The following MAPK14 variants were observed in gnomAD, a reference collection of about 807,000 sequenced individuals.
MAPK14 encodes the protein CSAID-binding protein.
A neutral mutation model predicts 49.6 loss-of-function variants in MAPK14; 16 were observed. That is an observed-to-expected ratio of 0.32 (90% CI 0.22 to 0.49). The LOEUF (loss-of-function observed/expected upper bound fraction) is 0.49, where lower values mean the gene tolerates loss of function less well. MAPK14 is among the 20% of genes least tolerant of loss of function. The pLI is 0.99. For synonymous variants in MAPK14, 142 were observed against 158.0 expected (o/e 0.90, Z 0.76); for missense variants, 200 against 441.2 (o/e 0.45, Z 4.90).
chr6:36,075,772 T>G, intron 6 of MAPK14, 76 bp from the exon 7 acceptor site: 1 of 1,598,794 alleles, frequency 6.3e-7, no homozygotes, highest in Non-Finnish European at 8.5e-7. Flanking sequence ...GGTTTGTTTG[T>G]TGTTGTTGTT....
intron 8 of MAPK14, among the ~76,000 whole-genome samples, chr6:36,077,378 A>AT (rs1190689342): frequency 5.3e-5 from 8 of 151,334 alleles, no homozygotes; most frequent in Admixed American, 1.3e-4. Context: ...AGTTTTGGGG[A>AT]TTTTTTCTTT....
chr6:36,091,032 A>G (rs1765205700), intron 8 of MAPK14, among the ~76,000 whole-genome samples: 1 of 152,190 alleles, frequency 6.6e-6, no homozygotes, highest in Non-Finnish European at 1.5e-5. Flanking sequence ...AAGATTTCCT[A>G]CCTTCCCAAA....
chr6:36,076,329 G>A (rs1764531407), intron 7 of MAPK14, among the ~76,000 whole-genome samples: 1 of 152,154 alleles, frequency 6.6e-6, no homozygotes, highest in Non-Finnish European at 1.5e-5. Context: ...TCTTAAGTGT[G>A]TTTTGACTTA....
intron 8 of MAPK14, among the ~76,000 whole-genome samples, chr6:36,090,240 G>A (rs1357142671): frequency 6.6e-6 from 1 of 152,050 alleles, no homozygotes; most frequent in Non-Finnish European, 1.5e-5. Context: ...CTGCTTGTGA[G>A]TTAAAACACT....
In MAPK14 at chr6:36,036,865, C is replaced by T. The variant is rs551888252; in HGVS notation, c.116+8592C>T. Among the ~76,000 whole-genome samples, 3 of 152,260 alleles carry T rather than the reference C, an allele frequency of 2.0e-5. No homozygotes were observed. In the East Asian group the frequency reaches 5.8e-4, roughly 29 times the overall value. On this transcript the variant is annotated intron_variant, in intron 1 of 11. Coordinates refer to ENST00000229794, the MANE Select transcript of MAPK14 (RefSeq NM_139012.3). ...AAGCAATTCTCCCACCTTAGCCTCC[C>T]GAGTAGCTGGGATTACAGGTGTGCA... is the stretch of plus-strand genomic sequence containing the variant.
downstream of MAPK14, among the ~76,000 whole-genome samples, chr6:36,112,901 G>C (rs969644559): frequency 6.6e-6 from 1 of 152,168 alleles, no homozygotes; most frequent in African/African-American, 2.4e-5. Flanking sequence ...CAGAAGACCA[G>C]AATACAGTGG....
chr6:36,083,717 C>A (rs1033101453), intron 8 of MAPK14, among the ~76,000 whole-genome samples: 1 of 152,196 alleles, frequency 6.6e-6, no homozygotes. Flanking sequence ...TGGGATGGAG[C>A]CCCTGGTGGG....
chr6:36,034,984 C>T (rs1057134457), intron 1 of MAPK14, among the ~76,000 whole-genome samples: 2 of 151,156 alleles, frequency 1.3e-5, no homozygotes, highest in African/African-American at 2.4e-5. Context: ...CTGCAACCTC[C>T]GCCTTCCGGT....
chr6:36,064,561 A>C (rs1581775593), intron 3 of MAPK14, among the ~76,000 whole-genome samples: 1 of 152,234 alleles, frequency 6.6e-6, no homozygotes. Context: ...GCTATTCAGC[A>C]GCCTTTGTTT....
chr6:36,034,763 C>T (rs1230173190), intron 1 of MAPK14, among the ~76,000 whole-genome samples: 1 of 150,748 alleles, frequency 6.6e-6, no homozygotes, highest in Non-Finnish European at 1.5e-5. Context: ...CAGATAATTG[C>T]TTTTTTTTTG....
intron 8 of MAPK14, among the ~76,000 whole-genome samples, chr6:36,088,449 A>C (rs368189535): frequency 6.6e-6 from 1 of 152,320 alleles, no homozygotes. Context: ...AGGGCCAGGC[A>C]CAGTGACTCA....
At chr6:36,105,062 A>G in intron 10 of MAPK14, among the ~76,000 whole-genome samples, 1 of 152,196 alleles carries the variant, frequency 6.6e-6, no homozygotes, top group East Asian at 1.9e-4. Context: ...TGCTGGGCAG[A>G]TGGAGCACAG....
chr6:36,042,905 G>A (rs1763021527), intron 1 of MAPK14, among the ~76,000 whole-genome samples: 1 of 112,576 alleles, frequency 8.9e-6, no homozygotes, highest in African/African-American at 4.4e-5. Context: ...CTTGAGCTCA[G>A]GAGCTCAGGA....
rs575841704 is a variant in MAPK14, at chr6:36,090,651, C to T, written c.683-5336C>T. ...AGCGATTCTCCCTGCCTCAGCCTCC[C>T]GAGTAGCTGGGATTACAGGTGCACG... On this transcript the variant is annotated intron_variant, in intron 8 of 11. Coordinates refer to ENST00000229794, the MANE Select transcript of MAPK14 (RefSeq NM_139012.3). Among the ~76,000 whole-genome samples the T allele has an allele frequency of 2.0e-3, 300 of 152,138 alleles. 5 individuals carry two copies. The highest frequency in any genetic ancestry group is 9.7e-4 in the Non-Finnish European group (66 of 67,976).
At chr6:36,063,632 G>T (rs889330847) in intron 3 of MAPK14, among the ~76,000 whole-genome samples, 3 of 152,168 alleles carry the variant, frequency 2.0e-5, no homozygotes, top group African/African-American at 7.2e-5. Context: ...GACTACTTCA[G>T]ATTTTTGCTA....
chr6:36,104,494 T>C (rs1400706917), intron 10 of MAPK14, among the ~76,000 whole-genome samples: 1 of 152,134 alleles, frequency 6.6e-6, no homozygotes, highest in East Asian at 1.9e-4. Flanking sequence ...TTTAAGTGAT[T>C]CTTCTGCCTC....
At chr6:36,033,506 G>A (rs904074796) in intron 1 of MAPK14, among the ~76,000 whole-genome samples, 60 of 152,156 alleles carry the variant, frequency 3.9e-4, no homozygotes, top group African/African-American at 1.2e-3. Context: ...TAGTAGAGAC[G>A]GGGTTTTACC....
At chr6:36,034,897 CTTTTTTTTT>C (rs200316205) in intron 1 of MAPK14, among the ~76,000 whole-genome samples, 2 of 121,040 alleles carry the variant, frequency 1.7e-5, no homozygotes, top group Non-Finnish European at 3.3e-5. Flanking sequence ...TTCTTTCTTT[CTTTTTTTTT>C]TTTTTTTTTT....
intron 1 of MAPK14, among the ~76,000 whole-genome samples, chr6:36,034,538 C>G (rs1328627275): frequency 3.9e-5 from 6 of 152,154 alleles, no homozygotes; most frequent in Non-Finnish European, 8.8e-5. Flanking sequence ...TCAGAAAAGC[C>G]TCATTATAAA....
Sources: allele counts gnomAD v4.1 joint callset (sites outside exome capture counted in the v4.1 genomes callset), GRCh38; gene constraint gnomAD v4.1.1; transcripts MANE v1.5; gene names NCBI Gene and HGNC (gene_info 2026-07-23, HGNC 2026-07-21).